GABRB1: variants seen among roughly 807,000 people sequenced by gnomAD.
GABRB1 encodes gamma-aminobutyric acid receptor subunit beta-1.
A neutral mutation model predicts 51.6 loss-of-function variants in GABRB1; 17 were observed. That is an observed-to-expected ratio of 0.33 (90% CI 0.23 to 0.49). The LOEUF (loss-of-function observed/expected upper bound fraction) is 0.49. GABRB1 is among the 20% of genes least tolerant of loss of function. The pLI is 0.99. For missense variants in GABRB1, 410 were observed against 600.6 expected (o/e 0.68, Z 3.32); for synonymous variants, 247 against 218.9 (o/e 1.13, Z -1.14).
chr4:47,055,298 T>C (rs1239064581), intron 3 of GABRB1, among the ~76,000 whole-genome samples: 5 of 152,228 alleles, frequency 3.3e-5, no homozygotes, highest in Non-Finnish European at 4.4e-5. Flanking sequence ...GGAAGAAAGG[T>C]TAACCTCAAA....
At chr4:47,267,777 A>G (rs1026275493) in intron 4 of GABRB1, among the ~76,000 whole-genome samples, 1 of 152,184 alleles carries the variant, frequency 6.6e-6, no homozygotes. Flanking sequence ...CCTGGGTGAC[A>G]AGAGTGAAAT....
intron 4 of GABRB1, among the ~76,000 whole-genome samples, chr4:47,293,027 A>G (rs1723809098): frequency 6.6e-6 from 1 of 152,210 alleles, no homozygotes; most frequent in African/African-American, 2.4e-5. Context: ...TATCAATAAC[A>G]TTTTATCAAT....
At position 47,031,628 on chromosome 4, in the gene GABRB1, C is replaced by A; in HGVS notation, c.-24C>A. 1 of 1,579,434 alleles carries A rather than the reference C, an allele frequency of 6.3e-7. No individual in the cohort carries two copies. The highest frequency in any genetic ancestry group is 8.7e-7 in the Non-Finnish European group (1 of 1,148,746). ...ATTCCTTGAATCTTCGCAGAAAAGA[C>A]AATTCTTTTAATCAGAGTTAGTAAT... On this transcript the variant is annotated 5_prime_UTR_variant, in exon 1 of 9. Transcript: ENST00000295454.
At chr4:47,135,466 T>C (rs929803371) in intron 3 of GABRB1, among the ~76,000 whole-genome samples, 1 of 152,102 alleles carries the variant, frequency 6.6e-6, no homozygotes, top group African/African-American at 2.4e-5. Flanking sequence ...TTAGTCAAAG[T>C]GTGCCAAAAG....
intron 5 of GABRB1, among the ~76,000 whole-genome samples, chr4:47,402,127 G>A (rs547182627): frequency 7.2e-5 from 11 of 152,292 alleles, no homozygotes; most frequent in Admixed American, 2.0e-4. Context: ...TTTTAAAAGC[G>A]GGGAAGGGAG....
At chr4:47,039,881 A>G (rs1375276749) in intron 3 of GABRB1, among the ~76,000 whole-genome samples, 1 of 152,180 alleles carries the variant, frequency 6.6e-6, no homozygotes, top group Non-Finnish European at 1.5e-5. Context: ...GTTGTAGGAC[A>G]ATGTCATTGA....
chr4:47,044,356 C>T (rs1194556814), intron 3 of GABRB1, among the ~76,000 whole-genome samples: 2 of 151,970 alleles, frequency 1.3e-5, no homozygotes, highest in Non-Finnish European at 2.9e-5. Context: ...TTTGGTTTTA[C>T]TCTTGAAGTA....
In GABRB1 at chr4:47,024,929, C is replaced by T. The variant is rs867228583; in HGVS notation, c.-19-6985C>T. Among the ~76,000 whole-genome samples, 112 of 16,614 alleles carry T rather than the reference C, an allele frequency of 6.7e-3. 5 individuals are homozygous for T. The highest frequency in any genetic ancestry group is 0.032 in the African/African-American group (95 of 2,924). The allele number at this position is 16,614 out of a possible 152,430, so 10.9% of individuals were successfully genotyped here. A position where few individuals can be genotyped will look rare whatever the true frequency, so the allele number is the denominator to read the frequency against. ...TTCCTTTTTATGGCTGGGTAGTATT[C>T]CATCATATATATATATATATATGTT... is the stretch of plus-strand genomic sequence containing the variant. On this transcript the variant is annotated intron_variant, in intron 1 of 3. Coordinates refer to the GABRB1 transcript ENST00000513567.
chr4:47,293,640 T>A (rs747076785), intron 4 of GABRB1, among the ~76,000 whole-genome samples: 1 of 152,244 alleles, frequency 6.6e-6, no homozygotes, highest in Non-Finnish European at 1.5e-5. Context: ...AGGTCATGGA[T>A]GCCAGTTTCA....
rs549974217 is a variant in GABRB1, at chr4:47,298,185, C to T, written c.462-21942C>T. 2.1e-3 allele frequency among the ~76,000 whole-genome samples: 316 copies of T among 152,274 alleles called. 1 individual carries two copies. The highest frequency in any genetic ancestry group is 0.015 in the South Asian group (73 of 4,822). ...ATTCCCTTTGAAAACTGGCACAAGACAGGGATGCCCTCTCTCACCACTCCT... is the reference window on the plus strand; with the variant it reads ...ATTCCCTTTGAAAACTGGCACAAGATAGGGATGCCCTCTCTCACCACTCCT... On this transcript the variant is annotated intron_variant, in intron 4 of 8. Coordinates refer to ENST00000295454, the MANE Select transcript of GABRB1 (RefSeq NM_000812.4).
chr4:47,129,689 G>C (rs777325824), intron 3 of GABRB1, among the ~76,000 whole-genome samples: 5 of 152,124 alleles, frequency 3.3e-5, no homozygotes, highest in Non-Finnish European at 7.4e-5. Context: ...ATCAGTGAAG[G>C]CTTCCTGGAA....
At chr4:47,252,686 T>G (rs538596782) in intron 4 of GABRB1, among the ~76,000 whole-genome samples, 7 of 152,024 alleles carry the variant, frequency 4.6e-5, no homozygotes, top group African/African-American at 1.7e-4. Context: ...TTTTGTATTT[T>G]TAGTAGAGAC....
At chr4:47,314,638 C>A (rs1334105340) in intron 4 of GABRB1, among the ~76,000 whole-genome samples, 3 of 151,892 alleles carry the variant, frequency 2.0e-5, no homozygotes, top group Non-Finnish European at 1.5e-5. Flanking sequence ...TTACTTTTTG[C>A]TGCACACCTA....
chr4:47,121,467 CT>C (rs972832471), intron 3 of GABRB1, among the ~76,000 whole-genome samples: 1 of 152,062 alleles, frequency 6.6e-6, no homozygotes, highest in African/African-American at 2.4e-5. Flanking sequence ...TTAGAAGGTG[CT>C]TTTTTGTGTC....
At chr4:47,123,211 T>A (rs139496929) in intron 3 of GABRB1, among the ~76,000 whole-genome samples, 1 of 148,926 alleles carries the variant, frequency 6.7e-6, no homozygotes, top group Non-Finnish European at 1.5e-5. Flanking sequence ...AAGGTACTAT[T>A]CTGGGCTAGA....
rs139756022 is a variant in GABRB1, at chr4:47,241,037, A to C, written c.462-79090A>C. ...TTTTTTAAAAAAATAATGAATCAGC[A>C]TTCCTCATTTCCTTTCCAGATCAGT... On this transcript the variant is annotated intron_variant, in intron 4 of 8. Transcript: ENST00000295454. Among the ~76,000 whole-genome samples the C allele has an allele frequency of 1.4e-4, 21 of 152,304 alleles. No individual in the cohort carries two copies. The East Asian group carries it at 3.7e-3, about 27-fold the overall frequency.
At chr4:47,125,559 C>CTATATTTTTTTTTTTTTTTTTT (rs1716085338) in intron 3 of GABRB1, among the ~76,000 whole-genome samples, 1 of 80,696 alleles carries the variant, frequency 1.2e-5, no homozygotes, top group East Asian at 3.8e-4. Flanking sequence ...AGTATAATTT[C>CTATATTTTTTTTTTTTTTTTTT]TTTTTTTTTT....
chr4:47,314,000 C>G (rs1158323709), intron 4 of GABRB1, among the ~76,000 whole-genome samples: 1 of 151,938 alleles, frequency 6.6e-6, no homozygotes, highest in African/African-American at 2.4e-5. Flanking sequence ...CAGTACTTTC[C>G]AAAGGAAATC....
chr4:47,166,701 T>C (rs571554828), intron 4 of GABRB1, among the ~76,000 whole-genome samples: 1 of 152,190 alleles, frequency 6.6e-6, no homozygotes, highest in South Asian at 2.1e-4. Context: ...ATCCCTACAT[T>C]GTTCAATGGT....
Sources: allele counts gnomAD v4.1 joint callset (sites outside exome capture counted in the v4.1 genomes callset), GRCh38; gene constraint gnomAD v4.1.1; transcripts MANE v1.5; gene names NCBI Gene and HGNC (gene_info 2026-07-23, HGNC 2026-07-21).